MED13: variants seen among roughly 807,000 people sequenced by gnomAD.
MED13 encodes the protein mediator complex subunit 13.
MED13 carries 23 observed loss-of-function variants against 225.2 expected under a neutral mutation model. That is an observed-to-expected ratio of 0.10 (90% CI 0.07 to 0.14). The LOEUF (loss-of-function observed/expected upper bound fraction) is 0.14. MED13 is among the 10% of genes least tolerant of loss of function. MED13 has a pLI of 1.00. For synonymous variants in MED13, 942 were observed against 889.2 expected (o/e 1.06, Z -1.06); for missense variants, 2,197 against 2,594.5 (o/e 0.85, Z 3.33).
At position 62,033,900 on chromosome 17, in the gene MED13, C is replaced by T. The variant is rs758839343; in HGVS notation, c.701G>A (p.Gly234Asp). Residue 234 changes from glycine (G) to aspartate (D), a missense_variant, in exon 5 of 30, where the codon GGT becomes GAT. Physicochemically the swap from Gly to Asp is moderately conservative, Grantham distance 94. Coordinates refer to ENST00000397786, the MANE Select transcript of MED13 (RefSeq NM_005121.3). Reference sequence around the variant, plus strand: ...GATAGGATAGAACTGTTTCCATTCACCAATTAATTTTTTTGTAGCTGAATC... The same window carrying T: ...GATAGGATAGAACTGTTTCCATTCATCAATTAATTTTTTTGTAGCTGAATC... ...MSDSATKKLI[G>D]EWKQFYPISC... is the part of the protein sequence containing the mutation. 27 of 1,613,972 alleles carry T rather than the reference C, an allele frequency of 1.7e-5. No individual in the cohort carries two copies. The East Asian group carries it at 2.2e-4, about 13-fold the overall frequency.
At chr17:61,967,117 G>C (rs941605923) in intron 18 of MED13, among the ~76,000 whole-genome samples, 7 of 152,136 alleles carry the variant, frequency 4.6e-5, no homozygotes, top group Non-Finnish European at 1.0e-4. Context: ...AGTTCTGTGA[G>C]TCACTGATTT....
intron 9 of MED13, among the ~76,000 whole-genome samples, chr17:61,997,351 C>T (rs1295354478): frequency 2.0e-5 from 3 of 152,122 alleles, no homozygotes; most frequent in Non-Finnish European, 4.4e-5. Flanking sequence ...GAATATAATG[C>T]TAGCACACTG....
Position 61,984,876 on chromosome 17 carries a change from T to C in MED13, c.2477-11A>G, listed in dbSNP as rs753992686. 3.1e-6 allele frequency: 5 copies of C among 1,600,274 alleles called. No homozygotes were observed. Among genetic ancestry groups the C allele is most frequent in the Non-Finnish European group, 4.3e-6 (5 of 1,171,798 alleles). On this transcript the variant is annotated splice_polypyrimidine_tract_variant and intron_variant, in intron 13 of 29. Transcript: ENST00000397786. ...GAAGATCTGCAGTGCCTATATTTAATAAAAACATACATTTTAACATGACTA... is the reference window on the plus strand; with the variant it reads ...GAAGATCTGCAGTGCCTATATTTAACAAAAACATACATTTTAACATGACTA...
chr17:62,025,080 T>C (rs1180837111), intron 8 of MED13, among the ~76,000 whole-genome samples: 1 of 152,186 alleles, frequency 6.6e-6, no homozygotes, highest in East Asian at 1.9e-4. Context: ...AAATGGTAGT[T>C]TGGGAAAAGC....
intron 8 of MED13, among the ~76,000 whole-genome samples, chr17:62,012,224 C>A (rs1369704384): frequency 2.0e-5 from 3 of 149,446 alleles, no homozygotes; most frequent in Admixed American, 6.7e-5. Flanking sequence ...TCAAAAAAAA[C>A]AAAAACAAAA....
At chr17:61,960,837 G>T in intron 23 of MED13, 30 bp downstream of exon 23, 1 of 1,427,398 alleles carries the variant, frequency 7.0e-7, no homozygotes, top group Non-Finnish European at 9.8e-7. Flanking sequence ...CAAATGGAAT[G>T]ATATGATATA....
intron 8 of MED13, among the ~76,000 whole-genome samples, chr17:62,017,781 A>T (rs1325931548): frequency 6.6e-6 from 1 of 152,240 alleles, no homozygotes; most frequent in Non-Finnish European, 1.5e-5. Context: ...AATTTTTATT[A>T]ATCTCAATCC....
intron 16 of MED13, among the ~76,000 whole-genome samples, chr17:61,974,720 T>C (rs1431139666): frequency 2.0e-5 from 3 of 152,124 alleles, no homozygotes; most frequent in Non-Finnish European, 4.4e-5. Context: ...GACAACTAGA[T>C]ATCCACATGC....
intron 8 of MED13, among the ~76,000 whole-genome samples, chr17:62,014,601 G>A (rs962700827): frequency 1.1e-4 from 16 of 152,076 alleles, no homozygotes; most frequent in Non-Finnish European, 1.6e-4. Flanking sequence ...ACAGGCATTA[G>A]CCACTGCACC....
chr17:62,005,881 T>C (rs1443161738), intron 9 of MED13: 4 of 152,276 alleles, frequency 2.6e-5, no homozygotes, highest in South Asian at 2.1e-4. Flanking sequence ...GAGGTCACCA[T>C]ACTGATGCTG....
chr17:62,010,506 T>A, intron 9 of MED13, 44 bp downstream of exon 9: 1 of 1,278,108 alleles, frequency 7.8e-7, no homozygotes, highest in Non-Finnish European at 1.0e-6. Flanking sequence ...TTGCATCACT[T>A]CCACCCTTAA....
chr17:61,968,876 C>T (rs575423558), intron 17 of MED13, among the ~76,000 whole-genome samples: 1 of 152,068 alleles, frequency 6.6e-6, no homozygotes, highest in Non-Finnish European at 1.5e-5. Flanking sequence ...CTCAGCTTCC[C>T]GAATAGCTGG....
At chr17:62,041,542 G>A (rs980011224) in intron 3 of MED13, among the ~76,000 whole-genome samples, 5 of 151,984 alleles carry the variant, frequency 3.3e-5, no homozygotes, top group Admixed American at 2.0e-4. Context: ...GTTTTGTTAC[G>A]TACATTTTAC....
chr17:61,987,270 AC>A (rs1171247362), intron 11 of MED13, 142 bp from the exon 12 acceptor site: 5 of 396,840 alleles, frequency 1.3e-5, no homozygotes, highest in Non-Finnish European at 2.3e-5. Context: ...CCCCGTCTCT[AC>A]TAAAACTACA....
At chr17:62,050,170 C>A (rs1247881060) in intron 3 of MED13, among the ~76,000 whole-genome samples, 23 of 151,698 alleles carry the variant, frequency 1.5e-4, no homozygotes, top group Admixed American at 1.5e-3. Flanking sequence ...ACCAGCCTAG[C>A]CAACATGGCG....
In MED13 at chr17:62,048,265, C is replaced by T. The variant is rs530747545; in HGVS notation, c.470+4272G>A. 3.3e-5 allele frequency among the ~76,000 whole-genome samples: 5 copies of T among 149,890 alleles called. No individual in the cohort carries two copies. In the South Asian group the frequency reaches 1.0e-3, roughly 31 times the overall value. On this transcript the variant is annotated intron_variant, in intron 3 of 29. Coordinates refer to ENST00000397786, the MANE Select transcript of MED13 (RefSeq NM_005121.3). ...CTTAAAAATACAAAAATTAGCCAGT[C>T]GTGGTGGCTAGTGTCTGTGGTCCCA...
chr17:62,020,416 T>C (rs1386220360), intron 8 of MED13, among the ~76,000 whole-genome samples: 2 of 152,006 alleles, frequency 1.3e-5, no homozygotes, highest in Non-Finnish European at 2.9e-5. Context: ...CTCGCTCTTT[T>C]GCCAGGCTGG....
At chr17:62,038,207 G>C (rs950443204) in intron 3 of MED13, among the ~76,000 whole-genome samples, 1 of 151,992 alleles carries the variant, frequency 6.6e-6, no homozygotes, top group Non-Finnish European at 1.5e-5. Context: ...GACCAGCCTA[G>C]GCAGCATAAG....
At position 61,950,893 on chromosome 17, in the gene MED13, C is replaced by G; in HGVS notation, c.6223G>C (p.Gly2075Arg). 1 of 1,613,952 alleles carries G rather than the reference C, an allele frequency of 6.2e-7. No individual in the cohort carries two copies. Among genetic ancestry groups the G allele is most frequent in the Non-Finnish European group, 8.5e-7 (1 of 1,179,914 alleles). The change falls in exon 28 of 30, where the codon GGT (glycine) becomes CGT (arginine). Residue 2075 changes from glycine (G) to arginine (R), a missense_variant. Coordinates refer to ENST00000397786, the MANE Select transcript of MED13 (RefSeq NM_005121.3). ...GACCAGAACCAGTCAGGTAATGGAC[C>G]TGCTTTGGCAGTTGATACAAAGTAA... ...LGYFVSTAKA[G>R]PLPDWFWSAC...
Sources: gnomAD v4.1 joint callset for allele counts (sites outside exome capture counted in the v4.1 genomes callset) on GRCh38, gnomAD v4.1.1 for gene constraint, MANE v1.5 for transcripts, NCBI Gene and HGNC (gene_info 2026-07-23, HGNC 2026-07-21) for gene names.